The following MAP4K3 variants were observed in gnomAD, a reference collection of about 807,000 sequenced individuals.
The protein encoded by MAP4K3 is MAPK/ERK kinase kinase kinase 3.
Under a neutral mutation model 143.5 loss-of-function variants are expected in MAP4K3, and 94 were observed. The observed-to-expected ratio is 0.65, with a 90% CI of 0.55 to 0.78. The LOEUF (loss-of-function observed/expected upper bound fraction) is 0.78. Ranked by LOEUF, MAP4K3 falls within the 30% of genes least tolerant of loss-of-function variation. The pLI is 0.00. For missense variants in MAP4K3, 1,077 were observed against 1,068.1 expected (o/e 1.01, Z -0.12); for synonymous variants, 416 against 347.2 (o/e 1.20, Z -2.20).
At chr2:39,279,522 G>C (rs1681423140) in intron 23 of MAP4K3, among the ~76,000 whole-genome samples, 1 of 152,184 alleles carries the variant, frequency 6.6e-6, no homozygotes, top group African/African-American at 2.4e-5. Flanking sequence ...ACAGTGAGAG[G>C]ACACAGACAG....
At chr2:39,359,585 C>A (rs1194264108) in intron 2 of MAP4K3, among the ~76,000 whole-genome samples, 2 of 152,262 alleles carry the variant, frequency 1.3e-5, no homozygotes, top group African/African-American at 4.8e-5. Flanking sequence ...CCATGTTTCC[C>A]TTCTGCACTG....
Position 39,299,790 on chromosome 2 carries a change from C to G in MAP4K3, c.1131G>C (p.Leu377=). 1 of 1,571,454 alleles carries G rather than the reference C, an allele frequency of 6.4e-7. No individual in the cohort carries two copies. ...CACCTTGGTGTCCTTGTCCATATTC[C>G]AGTTGCAGATCCTAATAGTACAAAA... ...YTARSNLDLQ[L]EYGQGHQGGY... The change falls in exon 16 of 34, where the codon CTG becomes CTC. Residue 377 remains leucine (L), a synonymous_variant. Transcript: ENST00000263881.
chr2:39,253,384 G>A (rs184883447), intron 32 of MAP4K3, among the ~76,000 whole-genome samples: 13 of 152,232 alleles, frequency 8.5e-5, no homozygotes, highest in Admixed American at 4.6e-4. Flanking sequence ...CGCCCGCCTC[G>A]GCCTCCCAAA....
At chr2:39,416,004 T>TATATATATATATATATAA (rs1206690314) in intron 1 of MAP4K3, among the ~76,000 whole-genome samples, 78 of 76,052 alleles carry the variant, frequency 1.0e-3, no homozygotes, top group Non-Finnish European at 1.7e-3. Context: ...TATATATATA[T>TATATATATATATATATAA]AAAAATAACA....
At chr2:39,431,509 C>A (rs574840984) in intron 1 of MAP4K3, among the ~76,000 whole-genome samples, 1 of 152,090 alleles carries the variant, frequency 6.6e-6, no homozygotes, top group South Asian at 2.1e-4. Flanking sequence ...GAACTGTATC[C>A]CTGAAAGTGG....
intron 32 of MAP4K3, 65 bp from the exon 33 acceptor site, chr2:39,251,950 C>A: frequency 1.0e-6 from 1 of 985,250 alleles, no homozygotes; most frequent in South Asian, 1.3e-5. Flanking sequence ...ATGGGCACTT[C>A]ATTATAATTC....
At chr2:39,336,217 A>G (rs1664951173) in intron 6 of MAP4K3, among the ~76,000 whole-genome samples, 1 of 152,122 alleles carries the variant, frequency 6.6e-6, no homozygotes, top group South Asian at 2.1e-4. Flanking sequence ...CACGTCTGTA[A>G]TCCTGGCACT....
intron 6 of MAP4K3, among the ~76,000 whole-genome samples, chr2:39,333,961 T>TTGTGTGTGTGTGTGTG: frequency 6.9e-6 from 1 of 144,142 alleles, no homozygotes; most frequent in East Asian, 2.1e-4. Context: ...TTTCCCATTT[T>TTGTGTGTGTGTGTGTG]TGTGTGTGTG....
intron 2 of MAP4K3, among the ~76,000 whole-genome samples, chr2:39,356,556 C>T (rs1056828134): frequency 2.6e-5 from 4 of 152,190 alleles, no homozygotes; most frequent in African/African-American, 9.6e-5. Context: ...AGCATGAACT[C>T]TGGTCCCAGA....
At chr2:39,307,800 G>C (rs1197457665) in intron 15 of MAP4K3, 143 bp downstream of exon 15, 2 of 472,566 alleles carry the variant, frequency 4.2e-6, no homozygotes, top group African/African-American at 4.0e-5. Context: ...GGAAAAAACT[G>C]CTACAATTCT....
chr2:39,394,594 C>G (rs185800070), intron 1 of MAP4K3, among the ~76,000 whole-genome samples: 1 of 152,230 alleles, frequency 6.6e-6, no homozygotes. Flanking sequence ...GGCCATTCCT[C>G]TCCACAGAGA....
chr2:39,404,762 T>C (rs935719048), intron 1 of MAP4K3, among the ~76,000 whole-genome samples: 2 of 151,904 alleles, frequency 1.3e-5, no homozygotes, highest in Admixed American at 1.3e-4. Context: ...GCTGGGATTA[T>C]AGGCTTGCAC....
intron 1 of MAP4K3, among the ~76,000 whole-genome samples, chr2:39,416,709 T>A (rs1237751713): frequency 6.6e-6 from 1 of 152,226 alleles, no homozygotes; most frequent in African/African-American, 2.4e-5. Flanking sequence ...AAGGGTACTT[T>A]GGGGATTTTT....
At chr2:39,346,414 TC>T (rs1222153216) in intron 3 of MAP4K3, among the ~76,000 whole-genome samples, 1 of 152,202 alleles carries the variant, frequency 6.6e-6, no homozygotes, top group Non-Finnish European at 1.5e-5. Context: ...ATTTGTTAAA[TC>T]TTATACTTAA....
At chr2:39,360,194 A>T (rs995157658) in intron 2 of MAP4K3, among the ~76,000 whole-genome samples, 15 of 152,140 alleles carry the variant, frequency 9.9e-5, no homozygotes, top group Admixed American at 2.0e-4. Context: ...AGCTCCATAG[A>T]TCTCTAGGGC....
rs539191424 is a variant in MAP4K3, at chr2:39,391,027, G to GA, written c.97-12905dup. On this transcript the variant is annotated intron_variant, in intron 1 of 33. Transcript: ENST00000263881. ...TCTGAAACATGTTAAATATATTCTG[G>GA]AAAAAAAAGAGTTATTGGTTAAGTA... is the stretch of plus-strand genomic sequence containing the variant. Among the ~76,000 whole-genome samples the GA allele has an allele frequency of 3.2e-3, 489 of 151,554 alleles. 2 individuals are homozygous for GA. The highest frequency in any genetic ancestry group is 0.011 in the African/African-American group (465 of 41,350).
At chr2:39,297,411 C>G (rs1483820809) in intron 16 of MAP4K3, among the ~76,000 whole-genome samples, 5 of 152,164 alleles carry the variant, frequency 3.3e-5, no homozygotes, top group Non-Finnish European at 7.3e-5. Context: ...AGTCACCATG[C>G]CCGGCCTAGT....
chr2:39,308,011 T>C lies in MAP4K3; in HGVS notation c.1057-6A>G, dbSNP rs1682779455. 1 of 1,590,930 alleles carries C rather than the reference T, an allele frequency of 6.3e-7. No individual in the cohort carries two copies. The highest frequency in any genetic ancestry group is 8.5e-7 in the Non-Finnish European group (1 of 1,169,736). ...AAAAAACCATCACTGTCGGGCTGTT[T>C]AGCAGAGACCAAGAAACCCAAGTTA... On this transcript the variant is annotated splice_polypyrimidine_tract_variant and splice_region_variant and intron_variant, in intron 14 of 33. Coordinates refer to ENST00000263881, the MANE Select transcript of MAP4K3 (RefSeq NM_003618.4).
chr2:39,262,053 T>G (rs989763937), intron 28 of MAP4K3, among the ~76,000 whole-genome samples: 1 of 152,200 alleles, frequency 6.6e-6, no homozygotes, highest in Non-Finnish European at 1.5e-5. Flanking sequence ...TTCTTATATA[T>G]TTTATATTTT....
Sources: allele counts gnomAD v4.1 joint callset (sites outside exome capture counted in the v4.1 genomes callset), GRCh38; gene constraint gnomAD v4.1.1; transcripts MANE v1.5; gene names NCBI Gene and HGNC (gene_info 2026-07-23, HGNC 2026-07-21).